The following NLGN1 variants were observed in gnomAD, a reference collection of about 807,000 sequenced individuals.
The protein encoded by NLGN1 is neuroligin 1.
A neutral mutation model predicts 65.5 loss-of-function variants in NLGN1; 12 were observed. The ratio of observed to expected loss-of-function variants is 0.18; its 90% confidence interval spans 0.12 to 0.30. The LOEUF is 0.30. Among genes scored for constraint, NLGN1 ranks in the 10% least tolerant of loss-of-function variants. The pLI is 1.00. For synonymous variants in NLGN1, 350 were observed against 359.5 expected (o/e 0.97, Z 0.30); for missense variants, 750 against 1,007.1 (o/e 0.74, Z 3.46).
At chr3:174,098,858 A>G (rs1217808325) in intron 4 of NLGN1, among the ~76,000 whole-genome samples, 1 of 152,230 alleles carries the variant, frequency 6.6e-6, no homozygotes, top group Non-Finnish European at 1.5e-5. Flanking sequence ...CAAACACCAA[A>G]AAAGTGAGTA....
rs549725009 is a variant in NLGN1, at chr3:173,913,292, G to A, written c.646+105460G>A. The stretch of plus-strand genomic sequence containing the variant: ...CAGTTTGCAAGATTGATTAAAAGGT[G>A]TGGTTCGCCTTTGGAATGCATTTGT... On this transcript the variant is annotated intron_variant, in intron 4 of 6. Transcript: ENST00000457714. Among the ~76,000 whole-genome samples the A allele has an allele frequency of 2.2e-4, 34 of 152,302 alleles. No homozygotes were observed. The South Asian group carries it at 6.8e-3, about 31-fold the overall frequency.
At chr3:173,755,781 C>T (rs1208991291) in intron 3 of NLGN1, among the ~76,000 whole-genome samples, 3 of 152,030 alleles carry the variant, frequency 2.0e-5, no homozygotes, top group African/African-American at 7.2e-5. Context: ...ACTCAAGAAC[C>T]CTGATATCAA....
intron 2 of NLGN1, among the ~76,000 whole-genome samples, chr3:173,574,320 A>C (rs1353375504): frequency 2.0e-5 from 3 of 151,948 alleles, no homozygotes; most frequent in African/African-American, 7.2e-5. Context: ...TGATTAATTA[A>C]ATAGAAATAT....
chr3:174,253,978 C>T (rs1256050499), intron 4 of NLGN1, among the ~76,000 whole-genome samples: 2 of 152,162 alleles, frequency 1.3e-5, no homozygotes, highest in Admixed American at 6.5e-5. Context: ...CCAATATCAC[C>T]ATGTTGCTTA....
chr3:173,694,177 T>C (rs1363600178), intron 3 of NLGN1, among the ~76,000 whole-genome samples: 1 of 152,136 alleles, frequency 6.6e-6, no homozygotes, highest in Admixed American at 6.5e-5. Flanking sequence ...CTCTGTTTTT[T>C]TCTCTCTCTC....
chr3:173,745,611 T>A (rs989487833), intron 3 of NLGN1, among the ~76,000 whole-genome samples: 6 of 151,988 alleles, frequency 3.9e-5, no homozygotes, highest in African/African-American at 1.4e-4. Context: ...GAATTTTAAT[T>A]GATGATCATC....
intron 4 of NLGN1, among the ~76,000 whole-genome samples, chr3:174,081,597 GT>G (rs58453866): frequency 0.17 from 20,839 of 121,912 alleles, 1,414 homozygotes; most frequent in African/African-American, 0.31. Flanking sequence ...TGATTAGGTT[GT>G]TTTTTTTTTT....
chr3:173,969,732 A>G (rs187784926), intron 4 of NLGN1, among the ~76,000 whole-genome samples: 74 of 152,254 alleles, frequency 4.9e-4, no homozygotes, highest in African/African-American at 1.7e-3. Flanking sequence ...AGTCTATGGC[A>G]GAACTTACAT....
intron 3 of NLGN1, among the ~76,000 whole-genome samples, chr3:173,798,156 T>A (rs944627302): frequency 2.0e-5 from 3 of 151,984 alleles, no homozygotes; most frequent in Non-Finnish European, 4.4e-5. Flanking sequence ...GGAAAAAAAA[T>A]TTGAGCTCAC....
At chr3:174,085,883 A>G (rs1222378307) in intron 4 of NLGN1, among the ~76,000 whole-genome samples, 2 of 152,078 alleles carry the variant, frequency 1.3e-5, no homozygotes, top group East Asian at 1.9e-4. Flanking sequence ...GGTTTTTGCC[A>G]TTACTTTTAG....
Position 173,852,213 on chromosome 3 carries a change from G to A in NLGN1, c.646+44381G>A, listed in dbSNP as rs573016545. 4.9e-3 allele frequency among the ~76,000 whole-genome samples: 739 copies of A among 150,794 alleles called. 3 individuals are homozygous for A. Among genetic ancestry groups the A allele is most frequent in the African/African-American group, 0.017 (710 of 41,180 alleles). ...CTACTAAAAATACAAAAAATTAGCC[G>A]GGCGTGGTAGCGGGCGCCTGTAGTC... On this transcript the variant is annotated intron_variant, in intron 4 of 6. Coordinates refer to ENST00000457714, the Ensembl canonical transcript of NLGN1.
At chr3:173,607,519 T>G (rs914917665) in intron 3 of NLGN1, among the ~76,000 whole-genome samples, 15 of 150,810 alleles carry the variant, frequency 9.9e-5, no homozygotes, top group Admixed American at 3.4e-4. Context: ...TAAATAGTAT[T>G]TTTAAAATAA....
At chr3:174,219,254 T>C (rs902189783) in intron 4 of NLGN1, among the ~76,000 whole-genome samples, 3 of 152,070 alleles carry the variant, frequency 2.0e-5, no homozygotes, top group African/African-American at 7.2e-5. Flanking sequence ...AAAGTGGGGA[T>C]GGCAAGGATT....
intron 3 of NLGN1, among the ~76,000 whole-genome samples, chr3:173,668,623 T>C (rs1340992626): frequency 2.7e-5 from 4 of 149,168 alleles, no homozygotes; most frequent in South Asian, 2.1e-4. Flanking sequence ...TCTTTTCTTT[T>C]TTTTTTTTTT....
At chr3:173,537,123 C>T (rs887255260) in intron 2 of NLGN1, among the ~76,000 whole-genome samples, 5 of 152,112 alleles carry the variant, frequency 3.3e-5, no homozygotes, top group Non-Finnish European at 7.4e-5. Context: ...GTTAATCTCG[C>T]CCAGAAACAC....
At chr3:173,876,205 G>A (rs1166115589) in intron 4 of NLGN1, among the ~76,000 whole-genome samples, 2 of 152,132 alleles carry the variant, frequency 1.3e-5, no homozygotes, top group African/African-American at 2.4e-5. Flanking sequence ...TGATGGCTGT[G>A]GAAGTGGTAA....
chr3:174,266,046 ATTTT>A (rs57391307), intron 4 of NLGN1, among the ~76,000 whole-genome samples: 1 of 145,458 alleles, frequency 6.9e-6, no homozygotes, highest in Non-Finnish European at 1.5e-5. Flanking sequence ...ATATATATAT[ATTTT>A]TTTTTTCTTT....
chr3:173,401,108 A>G (rs1717603526), intron 1 of NLGN1, among the ~76,000 whole-genome samples: 1 of 152,132 alleles, frequency 6.6e-6, no homozygotes, highest in South Asian at 2.1e-4. Flanking sequence ...CAGCTTTGAC[A>G]CTGTTGTCAT....
intron 3 of NLGN1, among the ~76,000 whole-genome samples, chr3:173,773,013 C>T (rs1236652507): frequency 6.6e-6 from 1 of 152,176 alleles, no homozygotes; most frequent in Non-Finnish European, 1.5e-5. Context: ...ATCAACATTC[C>T]TACTATGAAT....
Sources: allele counts gnomAD v4.1 joint callset (sites outside exome capture counted in the v4.1 genomes callset), GRCh38; gene constraint gnomAD v4.1.1; transcripts MANE v1.5; gene names NCBI Gene and HGNC (gene_info 2026-07-23, HGNC 2026-07-21).